Variants in WIPF3 observed in about 807,000 individuals in gnomAD.
WIPF3 encodes the protein WAS/WASL interacting protein family member 3.
WIPF3 carries 33 observed loss-of-function variants against 38.9 expected under a neutral mutation model. That is an observed-to-expected ratio of 0.85 (90% CI 0.64 to 1.14). WIPF3 has a LOEUF of 1.14. WIPF3 is among the 50% of genes most tolerant of loss of function. WIPF3 has a pLI of 0.00. For missense variants in WIPF3, 711 were observed against 652.5 expected (o/e 1.09, Z -0.98); for synonymous variants, 324 against 269.3 (o/e 1.20, Z -1.99).
At position 29,886,365 on chromosome 7, in the gene WIPF3, T is replaced by G. The variant is rs1055439504; in HGVS notation, c.1100-1703T>G. Among the ~76,000 whole-genome samples the G allele has an allele frequency of 3.5e-5, 5 of 142,152 alleles. No individual in the cohort carries two copies. The South Asian group carries it at 1.2e-3, about 34-fold the overall frequency. The allele number at this position is 142,152 out of a possible 152,430, so 93.3% of individuals were successfully genotyped here. ...GACAAAGCTTTTTTTTTTTTTTTTT[T>G]TTTTTTTTTGAGACACAGTTTCACT... is the stretch of plus-strand genomic sequence containing the variant. On this transcript the variant is annotated intron_variant, in intron 5 of 8. Transcript: ENST00000242140.
intron 1 of WIPF3, among the ~76,000 whole-genome samples, chr7:29,807,861 T>C (rs574563546): frequency 6.6e-6 from 1 of 152,322 alleles, no homozygotes; most frequent in Non-Finnish European, 1.5e-5. Flanking sequence ...CTCCGCCTCC[T>C]CCTTTCCAGA....
At chr7:29,883,205 T>C (rs1785759999) in intron 4 of WIPF3, among the ~76,000 whole-genome samples, 1 of 152,190 alleles carries the variant, frequency 6.6e-6, no homozygotes, top group Non-Finnish European at 1.5e-5. Context: ...GCCAAAACCC[T>C]TGGGAATTAG....
chr7:29,841,592 C>T (rs1302260550), intron 2 of WIPF3, among the ~76,000 whole-genome samples: 1 of 152,170 alleles, frequency 6.6e-6, no homozygotes, highest in African/African-American at 2.4e-5. Flanking sequence ...AGGTGGATCA[C>T]TTGAGGTCAG....
At position 29,828,483 on chromosome 7, in the gene WIPF3, G is replaced by C. The variant is rs1583593407; in HGVS notation, c.-57-6185G>C. Among the ~76,000 whole-genome samples the C allele has an allele frequency of 1.3e-5, 2 of 152,138 alleles. 1 individual carries two copies. Among genetic ancestry groups the C allele is most frequent in the South Asian group, 4.1e-4 (2 of 4,828 alleles). On this transcript the variant is annotated intron_variant, in intron 1 of 8. Coordinates refer to ENST00000242140, the MANE Select transcript of WIPF3 (RefSeq NM_001080529.3). ...CCTGTGCGACCTGCAGACGTGTTCT[G>C]TGCTCTGTGGCCCACTGGCTTTTAA...
intron 1 of WIPF3, among the ~76,000 whole-genome samples, chr7:29,830,660 A>G (rs1464277939): frequency 6.6e-6 from 1 of 151,634 alleles, no homozygotes; most frequent in Non-Finnish European, 1.5e-5. Flanking sequence ...GAGGTTTTAG[A>G]TAAGAAAAAC....
At chr7:29,822,272 C>G (rs959299079) in intron 1 of WIPF3, among the ~76,000 whole-genome samples, 2 of 151,914 alleles carry the variant, frequency 1.3e-5, no homozygotes, top group Non-Finnish European at 2.9e-5. Context: ...AGCAAGAATT[C>G]TTTTTGGCTT....
intron 2 of WIPF3, among the ~76,000 whole-genome samples, chr7:29,836,421 TA>T (rs1438126431): frequency 6.6e-6 from 1 of 152,210 alleles, no homozygotes; most frequent in Non-Finnish European, 1.5e-5. Flanking sequence ...TAGGACTCAG[TA>T]AAAGTTGAAC....
chr7:29,819,575 T>G (rs1784506342), intron 1 of WIPF3, among the ~76,000 whole-genome samples: 1 of 152,098 alleles, frequency 6.6e-6, no homozygotes, highest in African/African-American at 2.4e-5. Flanking sequence ...TTCTGCTTCC[T>G]TTAGGTTCAT....
intron 2 of WIPF3, among the ~76,000 whole-genome samples, chr7:29,858,500 C>G (rs181021723): frequency 6.6e-6 from 1 of 152,082 alleles, no homozygotes; most frequent in Non-Finnish European, 1.5e-5. Flanking sequence ...CAAAAACAGT[C>G]GAGAGAAGTG....
chr7:29,901,557 G>A (rs1043030450), intron 7 of WIPF3, among the ~76,000 whole-genome samples: 2 of 151,968 alleles, frequency 1.3e-5, no homozygotes, highest in Non-Finnish European at 2.9e-5. Flanking sequence ...TTGGGAGGCT[G>A]AGGTGGGCGG....
intron 1 of WIPF3, among the ~76,000 whole-genome samples, chr7:29,826,528 T>G (rs188243533): frequency 1.1e-4 from 16 of 152,330 alleles, no homozygotes; most frequent in African/African-American, 3.8e-4. Flanking sequence ...ATAAACATTT[T>G]AAAATAATGG....
At chr7:29,808,040 A>C (rs1009349111) in intron 1 of WIPF3, among the ~76,000 whole-genome samples, 1 of 152,206 alleles carries the variant, frequency 6.6e-6, no homozygotes, top group Non-Finnish European at 1.5e-5. Context: ...CTCCAGGTCA[A>C]TACCTGGACA....
At chr7:29,814,740 T>A (rs984813916) in intron 1 of WIPF3, among the ~76,000 whole-genome samples, 1 of 152,226 alleles carries the variant, frequency 6.6e-6, no homozygotes, top group African/African-American at 2.4e-5. Context: ...ACAATCAGAA[T>A]TGCTAGTGTA....
intron 1 of WIPF3, among the ~76,000 whole-genome samples, chr7:29,829,346 A>G (rs1784679706): frequency 6.6e-6 from 1 of 151,376 alleles, no homozygotes. Flanking sequence ...CCTCCCAAGT[A>G]GCTGGGATTA....
In WIPF3 at chr7:29,895,170, A is replaced by T. The variant is rs1204269545; in HGVS notation, c.1351+5763A>T. 1.5e-4 allele frequency among the ~76,000 whole-genome samples: 23 copies of T among 151,526 alleles called. 1 individual carries two copies. The highest frequency in any genetic ancestry group is 1.5e-3 in the Admixed American group (23 of 15,234). On this transcript the variant is annotated intron_variant, in intron 7 of 8. Transcript: ENST00000242140. ...TGGCCAGGCTGGGCTCGAACTCCTG[A>T]CCTCAAGTGATCCGCCCACCTCGGC...
chr7:29,859,446 T>TA (rs1481214938), intron 2 of WIPF3, among the ~76,000 whole-genome samples: 1 of 152,232 alleles, frequency 6.6e-6, no homozygotes, highest in East Asian at 1.9e-4. Context: ...CAATAACATC[T>TA]ACTGTGCTTA....
At chr7:29,845,887 C>T (rs1784991947) in intron 2 of WIPF3, among the ~76,000 whole-genome samples, 1 of 152,210 alleles carries the variant, frequency 6.6e-6, no homozygotes, top group Admixed American at 6.5e-5. Flanking sequence ...CCAGGCAAAC[C>T]CACTATGAGC....
intron 5 of WIPF3, among the ~76,000 whole-genome samples, chr7:29,887,804 A>T (rs1324628780): frequency 6.6e-6 from 1 of 152,178 alleles, no homozygotes. Flanking sequence ...CAACTCATTG[A>T]ATCTTCTCAG....
intron 5 of WIPF3, among the ~76,000 whole-genome samples, chr7:29,886,966 T>C (rs1004178424): frequency 2.0e-5 from 3 of 152,178 alleles, no homozygotes; most frequent in African/African-American, 4.8e-5. Context: ...AGTAAATTCC[T>C]CATAGATCCT....
Sources: allele counts gnomAD v4.1 joint callset (sites outside exome capture counted in the v4.1 genomes callset), GRCh38; gene constraint gnomAD v4.1.1; transcripts MANE v1.5; gene names NCBI Gene and HGNC (gene_info 2026-07-23, HGNC 2026-07-21).